Variants in MX1 observed in about 807,000 individuals in gnomAD.
MX1 encodes the protein MX dynamin like GTPase 1, also known as interferon-induced GTP-binding protein Mx1.
MX1 carries 66 observed loss-of-function variants against 66.4 expected under a neutral mutation model. The ratio of observed to expected loss-of-function variants is 0.99; its 90% CI spans 0.82 to 1.22. The LOEUF (loss-of-function observed/expected upper bound fraction) is 1.22. Ranked by LOEUF, MX1 falls within the 50% of genes most tolerant of loss-of-function variation. MX1 has a pLI of 0.00. For missense variants in MX1, 787 were observed against 834.3 expected (o/e 0.94, Z 0.70); for synonymous variants, 311 against 318.1 (o/e 0.98, Z 0.24).
At chr21:41,425,004 G>T (rs1249813254), upstream of MX1, among the ~76,000 whole-genome samples, 1 of 152,230 alleles carries the variant, frequency 6.6e-6, no homozygotes, top group African/African-American at 2.4e-5. Context: ...TGGAGGCTGG[G>T]GTCCCGAGGC....
chr21:41,447,839 G>A (rs773025754), intron 13 of MX1, among the ~76,000 whole-genome samples: 6 of 152,016 alleles, frequency 3.9e-5, no homozygotes, highest in Non-Finnish European at 8.8e-5. Flanking sequence ...AGATTCAAGC[G>A]ATTCTCCTGC....
chr21:41,446,722 A>G (rs149637564), intron 13 of MX1, among the ~76,000 whole-genome samples: 1 of 152,368 alleles, frequency 6.6e-6, no homozygotes, highest in African/African-American at 2.4e-5. Flanking sequence ...TATGCCTGGA[A>G]TGCCATTATG....
chr21:41,431,116 A>G (rs1187039726), intron 4 of MX1, among the ~76,000 whole-genome samples: 1 of 152,150 alleles, frequency 6.6e-6, no homozygotes, highest in Non-Finnish European at 1.5e-5. Flanking sequence ...TTCACCTCCC[A>G]GGTTCAAGTG....
Position 41,427,096 on chromosome 21 carries a change from A to G in MX1, c.-308-110A>G, listed in dbSNP as rs2090084899. 3 of 152,290 alleles carry G rather than the reference A, an allele frequency of 2.0e-5. No individual in the cohort carries two copies. The South Asian group carries it at 6.2e-4, about 31-fold the overall frequency. 9.4% of individuals were successfully genotyped at this position (152,290 alleles called of 1,614,324 possible). A position where few individuals can be genotyped will look rare whatever the true frequency, so the allele number is the denominator to read the frequency against. On this transcript the variant is annotated intron_variant, in intron 1 of 16. Coordinates refer to ENST00000398598, the MANE Select transcript of MX1 (RefSeq NM_002462.5). ...GGCCCAAGTTATTTGGTTAAATTTT[A>G]AATCACGTTTGTTACTGGGAAGTAG...
chr21:41,428,733 A>C (rs905459044), intron 3 of MX1: 10 of 152,230 alleles, frequency 6.6e-5, no homozygotes, highest in African/African-American at 2.4e-4. Context: ...ACTTTGAAGA[A>C]AAACCCCTTT....
At chr21:41,439,155 G>C (rs1323544343) in intron 7 of MX1, among the ~76,000 whole-genome samples, 2 of 114,222 alleles carry the variant, frequency 1.8e-5, no homozygotes, top group Non-Finnish European at 3.2e-5. Context: ...TTAGAAAAGA[G>C]TAAAGTGGTG....
intron 16 of MX1, among the ~76,000 whole-genome samples, chr21:41,455,454 G>A (rs1184837463): frequency 2.6e-5 from 4 of 152,192 alleles, no homozygotes; most frequent in Non-Finnish European, 5.9e-5. Flanking sequence ...AGTAGGTGAG[G>A]CATATACATG....
At chr21:41,431,448 TA>T (rs1374778863) in intron 4 of MX1, among the ~76,000 whole-genome samples, 1 of 151,774 alleles carries the variant, frequency 6.6e-6, no homozygotes, top group Non-Finnish European at 1.5e-5. Context: ...GAGATAGTTT[TA>T]GAAAATATTT....
intron 13 of MX1, among the ~76,000 whole-genome samples, chr21:41,448,289 T>G (rs182118168): frequency 6.2e-4 from 94 of 152,296 alleles, no homozygotes; most frequent in African/African-American, 2.2e-3. Flanking sequence ...TTCATACAAG[T>G]TGATGTGCCT....
intron 5 of MX1, 30 bp from the exon 6 acceptor site, chr21:41,435,807 T>C: frequency 1.3e-6 from 2 of 1,591,040 alleles, no homozygotes; most frequent in Non-Finnish European, 1.7e-6. Context: ...TTGCAGGCCA[T>C]GAAGAATTCT....
chr21:41,444,047 G>A (rs2075804), intron 11 of MX1, among the ~76,000 whole-genome samples, 181 bp downstream of exon 11: 2,895 of 152,250 alleles, frequency 0.019, 138 homozygotes, highest in East Asian at 0.16. Context: ...CAAGCCCCCA[G>A]ACAATGTGGA....
chr21:41,435,947 C>T lies in MX1; in HGVS notation c.216C>T (p.Ala72=), dbSNP rs1253785799. The T allele has an allele frequency of 6.8e-6, 11 of 1,614,248 alleles. No individual in the cohort carries two copies. Among genetic ancestry groups the T allele is most frequent in the Non-Finnish European group, 9.3e-6 (11 of 1,180,052 alleles). The change falls in exon 6 of 17, where the codon GCC becomes GCT. Residue 72 remains alanine (A), a synonymous_variant. Coordinates refer to ENST00000398598, the MANE Select transcript of MX1 (RefSeq NM_002462.5). Reference sequence around the variant, plus strand: ...TGGAGCAGGACCTGGCCCTGCCAGCCATCGCCGTCATCGGGGACCAGAGCT... The same window carrying T: ...TGGAGCAGGACCTGGCCCTGCCAGCTATCGCCGTCATCGGGGACCAGAGCT... ...LGVEQDLALP[A]IAVIGDQSSG... is the part of the protein sequence containing the mutation.
intron 5 of MX1, among the ~76,000 whole-genome samples, chr21:41,434,767 C>T (rs1049843078): frequency 6.6e-6 from 1 of 152,166 alleles, no homozygotes; most frequent in Non-Finnish European, 1.5e-5. Context: ...TCATAAACCC[C>T]ACAATACATT....
At position 41,439,737 on chromosome 21, in the gene MX1, G is replaced by A; in HGVS notation, c.480G>A (p.Glu160=). ...IAGEGMGISH[E]LITLEISSRD... ...GGGAAGGAATGGGAATCAGTCATGAGCTAATCACCCTGGAGATCAGCTCCC... is the reference window on the plus strand; with the variant it reads ...GGGAAGGAATGGGAATCAGTCATGAACTAATCACCCTGGAGATCAGCTCCC... Residue 160 remains glutamate (E), a synonymous_variant, in exon 8 of 17, where the codon GAG becomes GAA. Coordinates refer to ENST00000398598, the MANE Select transcript of MX1 (RefSeq NM_002462.5). 6.2e-7 allele frequency: 1 copy of A among 1,614,178 alleles called. No individual in the cohort carries two copies. Among genetic ancestry groups the A allele is most frequent in the South Asian group, 1.1e-5 (1 of 91,086 alleles).
At position 41,451,849 on chromosome 21, in the gene MX1, AAAC is replaced by A. The variant is rs1408622809; in HGVS notation, c.1509+609_1509+611del. ...GACCCCGTCTCAAAAAAAAAAAAAA[AAAC>A]AAACAAAAAAACTTTCCATCCAGAG... On this transcript the variant is annotated intron_variant, in intron 15 of 16. Coordinates refer to ENST00000398598, the MANE Select transcript of MX1 (RefSeq NM_002462.5). 4.8e-5 allele frequency among the ~76,000 whole-genome samples: 7 copies of A among 145,716 alleles called. 1 individual carries two copies. The highest frequency in any genetic ancestry group is 9.0e-5 in the Non-Finnish European group (6 of 66,816).
chr21:41,441,340 TG>T lies in MX1; in HGVS notation c.730+316del. On this transcript the variant is annotated intron_variant, in intron 9 of 16. Transcript: ENST00000398598. The surrounding 1 kb of genome is among the most constrained non-coding windows in gnomAD (Gnocchi z 4.0). ...GGTTGCCTTGTAAGCCTTATCTACT[TG>T]CTCAGAAAGGCACAGTGGGCTCGGA... 1 of 432,270 alleles carries T rather than the reference TG, an allele frequency of 2.3e-6. No individual in the cohort carries two copies. The highest frequency in any genetic ancestry group is 4.3e-6 in the Non-Finnish European group (1 of 232,886). The allele number at this position is 432,270 out of a possible 1,614,324, so 26.8% of individuals were successfully genotyped here.
Position 41,455,224 on chromosome 21 carries a change from G to A in MX1, c.1758+2355G>A, listed in dbSNP as rs1412501551. Among the ~76,000 whole-genome samples the A allele has an allele frequency of 4.6e-5, 7 of 152,158 alleles. No individual in the cohort carries two copies. In the East Asian group the frequency reaches 9.7e-4, roughly 21 times the overall value. ...CATGCCTGGCCTCTGCATTTCTAAC[G>A]GGCTCTCAGGGGTCACCATACTACT... is the stretch of plus-strand genomic sequence containing the variant. On this transcript the variant is annotated intron_variant, in intron 16 of 16. Transcript: ENST00000398598.
chr21:41,422,044 A>T (rs1601450172), upstream of MX1: 1 of 152,380 alleles, frequency 6.6e-6, no homozygotes, highest in African/African-American at 2.4e-5. Context: ...TCCATCTTAA[A>T]TAGGAGCTGG....
intron 11 of MX1, among the ~76,000 whole-genome samples, chr21:41,445,196 A>G (rs2090626057): frequency 6.6e-6 from 1 of 152,166 alleles, no homozygotes; most frequent in African/African-American, 2.4e-5. Context: ...GGACCCATGC[A>G]CAGTGGGTGC....
Sources: gnomAD v4.1 joint callset for allele counts (sites outside exome capture counted in the v4.1 genomes callset) on GRCh38, gnomAD v4.1.1 for gene constraint, Gnocchi (gnomAD v3.1) non-coding constraint, MANE v1.5 for transcripts, NCBI Gene and HGNC (gene_info 2026-07-23, HGNC 2026-07-21) for gene names.